DGKI: variants seen among roughly 807,000 people sequenced by gnomAD.
DGKI encodes the protein diacylglycerol kinase iota.
Under a neutral mutation model 147.5 loss-of-function variants are expected in DGKI, and 55 were observed. The ratio of observed to expected loss-of-function variants is 0.37; its 90% CI spans 0.30 to 0.47. The LOEUF is 0.47. Ranked by LOEUF, DGKI falls within the 20% of genes least tolerant of loss-of-function variation. The pLI, the probability that DGKI is intolerant of heterozygous loss-of-function variation, is 1.00. For synonymous variants in DGKI, 469 were observed against 477.1 expected, an observed-to-expected ratio of 0.98 and a Z score of 0.22; for missense variants, 1,007 against 1,323.8, an observed-to-expected ratio of 0.76 and a Z score of 3.71.
chr7:137,664,395 A>G (rs1380458382), intron 3 of DGKI, among the ~76,000 whole-genome samples: 52 of 138,246 alleles, frequency 3.8e-4, no homozygotes, highest in East Asian at 6.3e-4. Context: ...AAAAAAAAAA[A>G]AAAGAAAGAA....
At chr7:137,746,947 T>C (rs1307320016) in intron 1 of DGKI, among the ~76,000 whole-genome samples, 1 of 152,076 alleles carries the variant, frequency 6.6e-6, no homozygotes, top group Non-Finnish European at 1.5e-5. Context: ...GGGACTAGAA[T>C]GGGGAAACCT....
chr7:137,513,401 C>T (rs1303895780), intron 21 of DGKI, among the ~76,000 whole-genome samples: 2 of 152,178 alleles, frequency 1.3e-5, no homozygotes, highest in Non-Finnish European at 2.9e-5. Context: ...CACCAGCATA[C>T]ACACTTGCTG....
intron 19 of DGKI, among the ~76,000 whole-genome samples, chr7:137,558,512 A>G (rs1034954505): frequency 5.3e-5 from 8 of 152,170 alleles, no homozygotes; most frequent in South Asian, 2.1e-4. Context: ...TCCTGACCTC[A>G]GGTGATCCAC....
intron 28 of DGKI, among the ~76,000 whole-genome samples, chr7:137,432,449 C>T (rs1255179260): frequency 6.6e-6 from 1 of 152,180 alleles, no homozygotes; most frequent in Non-Finnish European, 1.5e-5. Flanking sequence ...GATGGTTGCT[C>T]TCACTCTCTC....
chr7:137,726,736 C>A (rs1003327628), intron 1 of DGKI, among the ~76,000 whole-genome samples: 2 of 152,040 alleles, frequency 1.3e-5, no homozygotes, highest in African/African-American at 4.8e-5. Flanking sequence ...AAACGTTGTC[C>A]CTTCAAAAAA....
chr7:137,408,143 T>C, intron 29 of DGKI, 148 bp from the exon 30 acceptor site: 1 of 888,626 alleles, frequency 1.1e-6, no homozygotes, highest in Non-Finnish European at 1.7e-6. Context: ...TGAAGTAACA[T>C]TCCTGGACTG....
chr7:137,438,954 T>C (rs551582722), intron 28 of DGKI, among the ~76,000 whole-genome samples: 2 of 152,256 alleles, frequency 1.3e-5, no homozygotes, highest in South Asian at 2.1e-4. Context: ...ATATGTAAGA[T>C]ATGCATATAT....
chr7:137,401,894 G>A (rs1386865155), intron 30 of DGKI, among the ~76,000 whole-genome samples: 1 of 152,166 alleles, frequency 6.6e-6, no homozygotes, highest in Non-Finnish European at 1.5e-5. Flanking sequence ...GTTGTCATTT[G>A]AACTCTGCTT....
chr7:137,679,990 CAAAAAAAAA>C (rs768437551), intron 2 of DGKI, among the ~76,000 whole-genome samples: 1 of 54,070 alleles, frequency 1.8e-5, no homozygotes, highest in Non-Finnish European at 4.0e-5. Flanking sequence ...GACTCCATCT[CAAAAAAAAA>C]AAAAAAAAAA....
At chr7:137,434,689 A>G (rs1357606623) in intron 28 of DGKI, among the ~76,000 whole-genome samples, 1 of 152,240 alleles carries the variant, frequency 6.6e-6, no homozygotes, top group Non-Finnish European at 1.5e-5. Context: ...AGCATTCCAG[A>G]AAAACCAGAA....
At chr7:137,583,749 T>C (rs1471612908) in intron 14 of DGKI, among the ~76,000 whole-genome samples, 1 of 152,134 alleles carries the variant, frequency 6.6e-6, no homozygotes, top group Non-Finnish European at 1.5e-5. Context: ...ACAATATCCA[T>C]ATGGTACTCT....
chr7:137,804,388 A>T (rs1797301853), intron 1 of DGKI, among the ~76,000 whole-genome samples: 1 of 152,252 alleles, frequency 6.6e-6, no homozygotes, highest in Non-Finnish European at 1.5e-5. Context: ...CTTCAATAAG[A>T]TTTAATTATT....
intron 30 of DGKI, 77 bp from the exon 31 acceptor site, chr7:137,397,490 G>T: frequency 2.1e-6 from 3 of 1,441,900 alleles, no homozygotes; most frequent in Non-Finnish European, 2.9e-6. Flanking sequence ...TATAGTCACA[G>T]AATTAAAATG....
At chr7:137,488,139 C>T (rs886516446) in intron 21 of DGKI, among the ~76,000 whole-genome samples, 1 of 152,180 alleles carries the variant, frequency 6.6e-6, no homozygotes, top group Non-Finnish European at 1.5e-5. Context: ...CTTACTCCTT[C>T]CTTCCTGAAT....
At chr7:137,541,423 C>T (rs954873729) in intron 20 of DGKI, among the ~76,000 whole-genome samples, 1 of 152,158 alleles carries the variant, frequency 6.6e-6, no homozygotes, top group African/African-American at 2.4e-5. Context: ...ATGCATTTAA[C>T]AACTATTTAC....
Position 137,577,182 on chromosome 7 carries a change from T to C in DGKI, c.1761+40A>G, listed in dbSNP as rs770381789. The C allele has an allele frequency of 7.0e-6, 10 of 1,425,854 alleles. No homozygotes were observed. In the Admixed American group the frequency reaches 1.5e-4, roughly 21 times the overall value. The allele number at this position is 1,425,854 out of a possible 1,614,324, so 88.3% of individuals were successfully genotyped here. A position where few individuals can be genotyped will look rare whatever the true frequency, so the allele number is the denominator to read the frequency against. On this transcript the variant is annotated intron_variant, in intron 17 of 32. Coordinates refer to ENST00000614521, the MANE Select transcript of DGKI (RefSeq NM_001321708.2). The stretch of plus-strand genomic sequence containing the variant: ...TTGGGAGTTTTTTGTGGCAGTCATA[T>C]CATATTCAAATTAAATAAATCAACA...
At chr7:137,472,112 TACATATA>T (rs1814932665) in intron 23 of DGKI, among the ~76,000 whole-genome samples, 1 of 117,380 alleles carries the variant, frequency 8.5e-6, no homozygotes, top group African/African-American at 3.7e-5. Context: ...TGTGTATATA[TACATATA>T]AATATATATA....
chr7:137,671,813 A>T lies in DGKI; in HGVS notation c.606+6744T>A, dbSNP rs576017089. Reference sequence around the variant, plus strand: ...CAACATTAGAAGAAAACTTAGAATTAAGGCAGGGTGTCACAGGTAGGGTTA... The same window carrying T: ...CAACATTAGAAGAAAACTTAGAATTTAGGCAGGGTGTCACAGGTAGGGTTA... On this transcript the variant is annotated intron_variant, in intron 3 of 32. Coordinates refer to ENST00000614521, the MANE Select transcript of DGKI (RefSeq NM_001321708.2). Among the ~76,000 whole-genome samples, 6 of 152,358 alleles carry T rather than the reference A, an allele frequency of 3.9e-5. No homozygotes were observed. The South Asian group carries it at 1.2e-3, about 32-fold the overall frequency.
chr7:137,808,032 C>G (rs2116987940), intron 1 of DGKI, among the ~76,000 whole-genome samples: 1 of 152,318 alleles, frequency 6.6e-6, no homozygotes. Flanking sequence ...ACAGACCACA[C>G]TTTGTTATGA....
Sources: allele counts gnomAD v4.1 joint callset (sites outside exome capture counted in the v4.1 genomes callset), GRCh38; gene constraint gnomAD v4.1.1; transcripts MANE v1.5; gene names NCBI Gene and HGNC (gene_info 2026-07-23, HGNC 2026-07-21).